Variants in NAALADL2 observed in about 807,000 individuals in gnomAD.
NAALADL2 encodes the protein N-acetylated alpha-linked acidic dipeptidase like 2.
NAALADL2 carries 76 observed loss-of-function variants against 87.2 expected under a neutral mutation model. That is an observed-to-expected ratio of 0.87 (90% CI 0.72 to 1.05). NAALADL2 has a LOEUF of 1.05. NAALADL2 is among the 50% of genes least tolerant of loss of function. The pLI is 0.00. For synonymous variants in NAALADL2, 354 were observed against 331.0 expected (o/e 1.07, Z -0.75); for missense variants, 1,089 against 945.8 (o/e 1.15, Z -1.99).
intron 1 of NAALADL2, among the ~76,000 whole-genome samples, chr3:175,002,707 T>G (rs1292884948): frequency 6.6e-6 from 1 of 152,200 alleles, no homozygotes; most frequent in African/African-American, 2.4e-5. Context: ...ATCGACAAGT[T>G]TGCCAGGGTC....
chr3:174,847,197 G>A (rs1724720924), intron 3 of NAALADL2, among the ~76,000 whole-genome samples: 1 of 152,120 alleles, frequency 6.6e-6, no homozygotes, highest in African/African-American at 2.4e-5. Context: ...TTTCTTATAT[G>A]TGTATACCTT....
chr3:174,655,410 CTGT>C (rs1377369307), intron 2 of NAALADL2, among the ~76,000 whole-genome samples: 1 of 149,688 alleles, frequency 6.7e-6, no homozygotes, highest in Non-Finnish European at 1.5e-5. Context: ...TATTTTGCTG[CTGT>C]TGTTGTTAAA....
intron 2 of NAALADL2, among the ~76,000 whole-genome samples, chr3:174,703,107 G>A (rs1182168610): frequency 6.6e-6 from 1 of 152,070 alleles, no homozygotes; most frequent in Non-Finnish European, 1.5e-5. Flanking sequence ...GAATTGATAA[G>A]ATTTTTTAAG....
At chr3:174,867,711 A>G (rs1440753038) in intron 1 of NAALADL2, among the ~76,000 whole-genome samples, 1 of 152,124 alleles carries the variant, frequency 6.6e-6, no homozygotes, top group Non-Finnish European at 1.5e-5. Context: ...TAACATGATC[A>G]GTACAAAACA....
Position 175,803,323 on chromosome 3 carries a change from C to A in NAALADL2, c.*120C>A. The A allele has an allele frequency of 3.7e-6, 2 of 545,100 alleles. No homozygotes were observed. The highest frequency in any genetic ancestry group is 6.2e-6 in the Non-Finnish European group (2 of 322,338). 33.8% of individuals were successfully genotyped at this position (545,100 alleles called of 1,614,324 possible). On this transcript the variant is annotated 3_prime_UTR_variant, in exon 14 of 14. Transcript: ENST00000454872. ...CAATGGCTTTTTGACAAGTATAAAG[C>A]TATTATTACATTGTATTTTTTAAAT...
intron 1 of NAALADL2, among the ~76,000 whole-genome samples, chr3:174,880,538 G>A (rs1018852706): frequency 6.6e-6 from 1 of 151,830 alleles, no homozygotes; most frequent in Admixed American, 6.6e-5. Flanking sequence ...TCTTCTGATG[G>A]GTTACCTTAC....
At chr3:174,899,019 G>GT (rs1731978504) in intron 1 of NAALADL2, among the ~76,000 whole-genome samples, 1 of 152,054 alleles carries the variant, frequency 6.6e-6, no homozygotes, top group African/African-American at 2.4e-5. Context: ...CAATTATGGA[G>GT]TTTTTAAAAG....
At chr3:175,590,328 G>A (rs1419853208) in intron 10 of NAALADL2, among the ~76,000 whole-genome samples, 2 of 147,352 alleles carry the variant, frequency 1.4e-5, no homozygotes, top group Non-Finnish European at 3.0e-5. Context: ...TCAATTGATT[G>A]ACCTGTTGAA....
chr3:175,697,783 ATG>A lies in NAALADL2; in HGVS notation c.1897-39515_1897-39514del, dbSNP rs201474478. ...TGTATGTATACATATATACATATAT[ATG>A]TGTGTGTATATATGTATATATATTT... On this transcript the variant is annotated intron_variant, in intron 11 of 13. Coordinates refer to ENST00000454872, the MANE Select transcript of NAALADL2 (RefSeq NM_207015.3). Among the ~76,000 whole-genome samples the A allele has an allele frequency of 1.0e-3, 144 of 144,074 alleles. 3 individuals are homozygous for A. In the East Asian group the frequency reaches 0.018, roughly 18 times the overall value. 94.5% of individuals were successfully genotyped at this position (144,074 alleles called of 152,430 possible).
chr3:175,035,003 A>G (rs1235971933), intron 1 of NAALADL2, among the ~76,000 whole-genome samples: 1 of 152,174 alleles, frequency 6.6e-6, no homozygotes, highest in Non-Finnish European at 1.5e-5. Flanking sequence ...GGCATATTGT[A>G]GGTATTCAAG....
intron 1 of NAALADL2, among the ~76,000 whole-genome samples, chr3:174,997,667 T>C (rs1442595885): frequency 6.6e-6 from 1 of 151,826 alleles, no homozygotes; most frequent in Non-Finnish European, 1.5e-5. Flanking sequence ...AATACAAAAA[T>C]TAGCTGGGTG....
intron 4 of NAALADL2, among the ~76,000 whole-genome samples, chr3:175,274,233 G>C (rs1351186154): frequency 2.6e-5 from 4 of 152,126 alleles, no homozygotes; most frequent in Admixed American, 6.6e-5. Context: ...AGAACAGTCA[G>C]ATCTCATGAG....
At chr3:174,868,671 T>C (rs954891) in intron 1 of NAALADL2, among the ~76,000 whole-genome samples, 45,481 of 151,988 alleles carry the variant, frequency 0.3, 6,861 homozygotes, top group Admixed American at 0.34. Context: ...GATTTCTTGC[T>C]TGGATGACAG....
chr3:175,341,120 C>T (rs1762528603), intron 5 of NAALADL2, among the ~76,000 whole-genome samples: 1 of 151,976 alleles, frequency 6.6e-6, no homozygotes, highest in South Asian at 2.1e-4. Context: ...ATTTTCATCA[C>T]TCCCAAAAGA....
At chr3:175,178,832 T>A (rs944429570) in intron 2 of NAALADL2, among the ~76,000 whole-genome samples, 1 of 114,644 alleles carries the variant, frequency 8.7e-6, no homozygotes, top group South Asian at 2.5e-4. Context: ...TGTTTTAGAA[T>A]TTTTTTTTTG....
At chr3:175,261,137 G>C (rs2109894854) in intron 4 of NAALADL2, among the ~76,000 whole-genome samples, 1 of 152,094 alleles carries the variant, frequency 6.6e-6, no homozygotes, top group South Asian at 2.1e-4. Flanking sequence ...TATTTTTTGG[G>C]AGAGTGCTTT....
At chr3:175,562,564 T>A (rs1488966627) in intron 9 of NAALADL2, among the ~76,000 whole-genome samples, 1 of 151,990 alleles carries the variant, frequency 6.6e-6, no homozygotes, top group African/African-American at 2.4e-5. Context: ...TTTATTTAAA[T>A]ATCTAATGAG....
At chr3:175,091,495 G>A (rs1720111938) in intron 1 of NAALADL2, among the ~76,000 whole-genome samples, 1 of 151,870 alleles carries the variant, frequency 6.6e-6, no homozygotes. Flanking sequence ...TATTTTACTT[G>A]TAAAATAACT....
rs189958655 is a variant in NAALADL2, at chr3:175,480,616, A to G, written c.1653+8858A>G. Among the ~76,000 whole-genome samples, 205 of 152,036 alleles carry G rather than the reference A, an allele frequency of 1.3e-3. 1 individual carries two copies. Among genetic ancestry groups the G allele is most frequent in the Non-Finnish European group, 2.7e-3 (182 of 67,872 alleles). On this transcript the variant is annotated intron_variant, in intron 9 of 13. Coordinates refer to ENST00000454872, the MANE Select transcript of NAALADL2 (RefSeq NM_207015.3). The stretch of plus-strand genomic sequence containing the variant: ...CTAAATGAAAGGTATTAATTTATCA[A>G]TTATGTTTTACATAAAGTTGTCAAC...
Sources: allele counts gnomAD v4.1 joint callset (sites outside exome capture counted in the v4.1 genomes callset), GRCh38; gene constraint gnomAD v4.1.1; transcripts MANE v1.5; gene names NCBI Gene and HGNC (gene_info 2026-07-23, HGNC 2026-07-21).